The following SUMF1 variants were observed in gnomAD, a reference collection of about 807,000 sequenced individuals.
The protein encoded by SUMF1 is sulfatase modifying factor 1.
Under a neutral mutation model 47.6 loss-of-function variants are expected in SUMF1, and 48 were observed. That is an observed-to-expected ratio of 1.01 (90% CI 0.80 to 1.28). SUMF1 has a LOEUF of 1.28. Among genes scored for constraint, SUMF1 ranks in the 50% most tolerant of loss-of-function variants. The probability of loss-of-function intolerance (pLI) is 0.00; values close to 1 mark genes in which losing one functional copy is unlikely to be tolerated. For missense variants in SUMF1, 571 were observed against 485.4 expected (o/e 1.18, Z -1.66); for synonymous variants, 230 against 192.1 (o/e 1.20, Z -1.63).
intron 8 of SUMF1, among the ~76,000 whole-genome samples, chr3:4,136,450 C>T (rs1387108083): frequency 5.3e-5 from 8 of 152,020 alleles, no homozygotes; most frequent in Admixed American, 1.3e-4. Flanking sequence ...CCCTTCCTCA[C>T]ACCTTATACA....
At chr3:4,241,637 T>C (rs1041876452) in intron 8 of SUMF1, among the ~76,000 whole-genome samples, 4 of 152,180 alleles carry the variant, frequency 2.6e-5, no homozygotes, top group Admixed American at 1.3e-4. Context: ...TTGTTTGGCC[T>C]CCATAGCCAC....
At chr3:4,311,966 T>C (rs989040931) in intron 8 of SUMF1, among the ~76,000 whole-genome samples, 8 of 152,354 alleles carry the variant, frequency 5.3e-5, no homozygotes, top group African/African-American at 1.9e-4. Context: ...AGGCTTCACA[T>C]AGAGTTTAGA....
chr3:4,156,690 C>G (rs1694459038), intron 8 of SUMF1, among the ~76,000 whole-genome samples: 1 of 151,620 alleles, frequency 6.6e-6, no homozygotes. Context: ...GGCCTGGCAG[C>G]CCTGCCCAAT....
intron 8 of SUMF1, among the ~76,000 whole-genome samples, chr3:4,315,484 A>G (rs1424203352): frequency 1.3e-5 from 2 of 152,134 alleles, no homozygotes; most frequent in Non-Finnish European, 2.9e-5. Context: ...GAGACAACTG[A>G]CTGAATATGG....
At chr3:4,322,917 TA>T (rs919464700) in intron 8 of SUMF1, among the ~76,000 whole-genome samples, 2 of 151,686 alleles carry the variant, frequency 1.3e-5, no homozygotes, top group Middle Eastern at 3.2e-3. Flanking sequence ...GATGCTGTCT[TA>T]AAAAAAAGTA....
At chr3:4,388,308 T>C (rs898652624) in intron 7 of SUMF1, among the ~76,000 whole-genome samples, 1 of 152,136 alleles carries the variant, frequency 6.6e-6, no homozygotes, top group African/African-American at 2.4e-5. Flanking sequence ...TTTATCATTA[T>C]ATACGTTCTT....
At chr3:4,183,244 T>G (rs1695133962) in intron 8 of SUMF1, among the ~76,000 whole-genome samples, 1 of 152,178 alleles carries the variant, frequency 6.6e-6, no homozygotes, top group Non-Finnish European at 1.5e-5. Context: ...TTGGGGAATT[T>G]TGAAATCACA....
rs151323469 is a variant in SUMF1 at position 4,083,712 on chromosome 3, C to T, written c.1015-14967G>A. ...ATGTAATGCCTTATTAGACACTGTA[C>T]AAAGATATATGTGACATCATGCCTA... On this transcript the variant is annotated intron_variant and NMD_transcript_variant, in intron 8 of 12. Coordinates refer to the SUMF1 transcript ENST00000448413. Among the ~76,000 whole-genome samples the T allele has an allele frequency of 6.4e-3, 969 of 151,856 alleles. 11 individuals are homozygous for T. Among genetic ancestry groups the T allele is most frequent in the African/African-American group, 0.022 (921 of 41,362 alleles).
chr3:4,096,074 T>A (rs1405806085), intron 8 of SUMF1, among the ~76,000 whole-genome samples: 2 of 152,192 alleles, frequency 1.3e-5, no homozygotes, highest in South Asian at 2.1e-4. Flanking sequence ...CTTAGAATTC[T>A]ATATGAACAA....
chr3:4,267,221 A>G (rs1697213773), intron 8 of SUMF1, among the ~76,000 whole-genome samples: 3 of 152,164 alleles, frequency 2.0e-5, no homozygotes, highest in Admixed American at 2.0e-4. Context: ...CTTTGGTATC[A>G]GAATGATGCT....
At chr3:4,405,550 C>A (rs780781669) in intron 7 of SUMF1, among the ~76,000 whole-genome samples, 1 of 152,098 alleles carries the variant, frequency 6.6e-6, no homozygotes, top group Non-Finnish European at 1.5e-5. Context: ...CCATGCCCAG[C>A]TAACTTTTTG....
At chr3:4,303,237 C>T in intron 8 of SUMF1, 2 of 945,000 alleles carry the variant, frequency 2.1e-6, no homozygotes, top group South Asian at 4.3e-5. Flanking sequence ...GGAAGGGAAG[C>T]GCCTTCCAGG....
chr3:4,150,856 A>G (rs974334435), intron 8 of SUMF1, among the ~76,000 whole-genome samples: 1 of 151,426 alleles, frequency 6.6e-6, no homozygotes, highest in Non-Finnish European at 1.5e-5. Flanking sequence ...GGAGGTAGCA[A>G]CCAGATAGGA....
At chr3:4,282,761 T>C (rs1332068042) in intron 8 of SUMF1, among the ~76,000 whole-genome samples, 3 of 152,228 alleles carry the variant, frequency 2.0e-5, no homozygotes, top group African/African-American at 7.2e-5. Context: ...TATCTTGTTT[T>C]TGTCCTGCGT....
In SUMF1 at chr3:4,271,510, GATAGATAGA is replaced by G. The variant is rs1193089177; in HGVS notation, c.1014+104811_1014+104819del. On this transcript the variant is annotated intron_variant and NMD_transcript_variant, in intron 8 of 12. Transcript: ENST00000448413. ...AGATAGATAGATAGATAGATAGATA[GATAGATAGA>G]TACAGAGAGGATCTCAACATTGCCC... Among the ~76,000 whole-genome samples the G allele has an allele frequency of 3.4e-3, 509 of 147,804 alleles. 1 individual carries two copies. Among genetic ancestry groups the G allele is most frequent in the East Asian group, 5.7e-3 (28 of 4,870 alleles).
At chr3:4,074,430 C>G (rs1049293579) in intron 8 of SUMF1, among the ~76,000 whole-genome samples, 16 of 151,978 alleles carry the variant, frequency 1.1e-4, no homozygotes, top group African/African-American at 3.6e-4. Context: ...ATTAGAAGAA[C>G]TAGAGAAGCA....
At chr3:4,221,361 T>G (rs1399669597) in intron 8 of SUMF1, among the ~76,000 whole-genome samples, 1 of 151,960 alleles carries the variant, frequency 6.6e-6, no homozygotes, top group African/African-American at 2.4e-5. Context: ...TAGCCAAAAG[T>G]GCAACTTTTC....
At chr3:4,208,372 T>C (rs758766779) in intron 8 of SUMF1, among the ~76,000 whole-genome samples, 10 of 151,116 alleles carry the variant, frequency 6.6e-5, no homozygotes, top group Non-Finnish European at 1.5e-4. Context: ...CTATAAAACT[T>C]ACCGCTACTT....
chr3:4,054,568 T>A (rs1008496695), intron 9 of SUMF1, among the ~76,000 whole-genome samples: 1 of 152,092 alleles, frequency 6.6e-6, no homozygotes, highest in Non-Finnish European at 1.5e-5. Flanking sequence ...TTAAAAGATA[T>A]CTTTACCCAC....
Sources: allele counts gnomAD v4.1 joint callset (sites outside exome capture counted in the v4.1 genomes callset), GRCh38; gene constraint gnomAD v4.1.1; transcripts MANE v1.5; gene names NCBI Gene and HGNC (gene_info 2026-07-23, HGNC 2026-07-21).